Variants in GLRX3 observed in about 807,000 individuals in gnomAD.
GLRX3 encodes the protein glutaredoxin 3.
A neutral mutation model predicts 49.5 loss-of-function variants in GLRX3; 22 were observed. The ratio of observed to expected loss-of-function variants is 0.44; its 90% confidence interval spans 0.32 to 0.63. GLRX3 has a LOEUF of 0.63. Among genes scored for constraint, GLRX3 ranks in the 30% least tolerant of loss-of-function variants. The pLI is 0.05. For missense variants in GLRX3, 385 were observed against 396.3 expected (o/e 0.97, Z 0.24); for synonymous variants, 133 against 140.0 (o/e 0.95, Z 0.35).
intron 2 of GLRX3, among the ~76,000 whole-genome samples, chr10:130,152,890 G>T (rs955001584): frequency 6.6e-6 from 1 of 152,222 alleles, no homozygotes; most frequent in African/African-American, 2.4e-5. Flanking sequence ...ATATCCTGAA[G>T]AGTGTTTCCT....
At chr10:130,138,168 C>T (rs921358709) in intron 1 of GLRX3, among the ~76,000 whole-genome samples, 5 of 152,110 alleles carry the variant, frequency 3.3e-5, no homozygotes, top group South Asian at 2.1e-4. Context: ...GCGATCCTCC[C>T]ACCTCAGCCT....
At chr10:130,160,761 G>T (rs1024011572) in intron 3 of GLRX3, 35 bp from the exon 4 acceptor site, 4 of 1,097,640 alleles carry the variant, frequency 3.6e-6, no homozygotes, top group Non-Finnish European at 5.6e-6. Flanking sequence ...ATTATGGAAT[G>T]CTGCATGTAT....
At chr10:130,160,140 A>C (rs1156393433) in intron 3 of GLRX3, 71 bp downstream of exon 3, 3 of 873,368 alleles carry the variant, frequency 3.4e-6, no homozygotes, top group African/African-American at 3.3e-5. Flanking sequence ...TTGTTTCTTT[A>C]CCCTCTCTCT....
At chr10:130,151,925 T>G (rs1424268822) in intron 2 of GLRX3, among the ~76,000 whole-genome samples, 1 of 152,216 alleles carries the variant, frequency 6.6e-6, no homozygotes. Flanking sequence ...AGCACACCGA[T>G]GGGTCTTGAC....
intron 10 of GLRX3, among the ~76,000 whole-genome samples, chr10:130,177,563 G>A (rs1023207427): frequency 1.3e-5 from 2 of 152,196 alleles, no homozygotes; most frequent in Non-Finnish European, 2.9e-5. Context: ...ACATAGAGAG[G>A]TCAGGTGAAT....
intron 1 of GLRX3, among the ~76,000 whole-genome samples, chr10:130,140,554 C>T (rs1444353761): frequency 1.3e-5 from 2 of 152,168 alleles, no homozygotes; most frequent in African/African-American, 4.8e-5. Context: ...GTTTCATCTT[C>T]TCAACATCCC....
Position 130,179,335 on chromosome 10 carries a change from T to G in GLRX3, c.958-7T>G. On this transcript the variant is annotated splice_polypyrimidine_tract_variant and splice_region_variant and intron_variant, in intron 10 of 10. Coordinates refer to ENST00000331244, the MANE Select transcript of GLRX3 (RefSeq NM_006541.5). ...TACATATTATTATTGTTGTTTTTTA[T>G]TTTTAGGAACTGAAAGAAAATGGTG... is the stretch of plus-strand genomic sequence containing the variant. 1.5e-6 allele frequency: 2 copies of G among 1,324,342 alleles called. No homozygotes were observed. Among genetic ancestry groups the G allele is most frequent in the Non-Finnish European group, 2.1e-6 (2 of 930,748 alleles). The allele number at this position is 1,324,342 out of a possible 1,614,324, so 82.0% of individuals were successfully genotyped here.
At chr10:130,153,319 T>G (rs1412650886) in intron 2 of GLRX3, among the ~76,000 whole-genome samples, 1 of 152,216 alleles carries the variant, frequency 6.6e-6, no homozygotes, top group Non-Finnish European at 1.5e-5. Context: ...GAACTCATTC[T>G]CTGTCCAGTT....
chr10:130,136,570 C>A (rs995519141), intron 1 of GLRX3, 58 bp downstream of exon 1: 3 of 1,243,458 alleles, frequency 2.4e-6, no homozygotes, highest in South Asian at 3.9e-5. Flanking sequence ...GCCGCGAGAC[C>A]GGGCCGGTGT....
At chr10:130,165,462 CAT>C (rs1165057890) in intron 4 of GLRX3, among the ~76,000 whole-genome samples, 1 of 151,836 alleles carries the variant, frequency 6.6e-6, no homozygotes, top group African/African-American at 2.4e-5. Flanking sequence ...AATCATGGAA[CAT>C]AAAATTGTCG....
intron 3 of GLRX3, 39 bp from the exon 4 acceptor site, chr10:130,160,757 G>A (rs1166130209): frequency 9.3e-7 from 1 of 1,075,050 alleles, no homozygotes. Context: ...CATTATTATG[G>A]AATGCTGCAT....
chr10:130,159,947 T>C, intron 2 of GLRX3, 48 bp from the exon 3 acceptor site: 1 of 1,355,358 alleles, frequency 7.4e-7, no homozygotes, highest in East Asian at 2.3e-5. Flanking sequence ...ATTAAAGTAG[T>C]GAAAAAGGAC....
chr10:130,161,698 A>G (rs1197214094), intron 4 of GLRX3, among the ~76,000 whole-genome samples: 1 of 152,218 alleles, frequency 6.6e-6, no homozygotes, highest in Non-Finnish European at 1.5e-5. Context: ...TACTGTGCCT[A>G]GTACAACATT....
chr10:130,150,956 C>T (rs1265511278), intron 2 of GLRX3, among the ~76,000 whole-genome samples: 2 of 145,274 alleles, frequency 1.4e-5, no homozygotes, highest in Non-Finnish European at 3.0e-5. Flanking sequence ...GAGACAGAGT[C>T]TCACTGTGTC....
chr10:130,148,177 G>A (rs1383176520), intron 2 of GLRX3, among the ~76,000 whole-genome samples: 1 of 151,896 alleles, frequency 6.6e-6, no homozygotes, highest in African/African-American at 2.4e-5. Flanking sequence ...CACTCTTATT[G>A]CCCAGGCTGT....
intron 5 of GLRX3, 43 bp from the exon 6 acceptor site, chr10:130,166,873 GTTA>G (rs747151952): frequency 8.2e-7 from 1 of 1,223,408 alleles, no homozygotes; most frequent in East Asian, 2.3e-5. Flanking sequence ...GGAGATTTAT[GTTA>G]TAATAATTTT....
At chr10:130,163,812 G>A (rs921914547) in intron 4 of GLRX3, among the ~76,000 whole-genome samples, 1 of 152,174 alleles carries the variant, frequency 6.6e-6, no homozygotes, top group East Asian at 1.9e-4. Flanking sequence ...AGAGAAGGGC[G>A]TAGGCAAAGC....
chr10:130,142,514 T>A (rs1273182350), intron 1 of GLRX3, among the ~76,000 whole-genome samples: 1 of 152,138 alleles, frequency 6.6e-6, no homozygotes, highest in Non-Finnish European at 1.5e-5. Flanking sequence ...CCCTCTCCAT[T>A]TGCACTATCC....
intron 4 of GLRX3, among the ~76,000 whole-genome samples, chr10:130,161,610 G>A (rs1862577907): frequency 6.6e-6 from 1 of 152,158 alleles, no homozygotes; most frequent in African/African-American, 2.4e-5. Context: ...TGTACACATG[G>A]ATGCTTATAA....
Sources: allele counts gnomAD v4.1 joint callset (sites outside exome capture counted in the v4.1 genomes callset), GRCh38; gene constraint gnomAD v4.1.1; transcripts MANE v1.5; gene names NCBI Gene and HGNC (gene_info 2026-07-23, HGNC 2026-07-21).